The following MIB1 variants were observed in gnomAD, a reference collection of about 807,000 sequenced individuals.
MIB1 encodes the protein MIB E3 ubiquitin protein ligase 1.
Under a neutral mutation model 124.5 loss-of-function variants are expected in MIB1, and 278 were observed. The observed-to-expected ratio is 2.23, with a 90% CI of 2.02 to 2.47. The LOEUF is 2.47. Ranked by LOEUF, MIB1 falls within the 30% of genes most tolerant of loss-of-function variation. MIB1 has a pLI of 0.00. For synonymous variants in MIB1, 446 were observed against 429.4 expected, an observed-to-expected ratio of 1.04 and a Z score of -0.48; for missense variants, 957 against 1,254.4, an observed-to-expected ratio of 0.76 and a Z score of 3.58.
rs923699469 is a variant in MIB1 at position 21,753,494 on chromosome 18, A to AT, written c.229+11691dup. The stretch of plus-strand genomic sequence containing the variant: ...GAGCCATCATGCCCAGCCTGAAAAT[A>AT]TTTTTTTTTGTTAAATGAGATGAGA... On this transcript the variant is annotated intron_variant, in intron 1 of 20. Coordinates refer to ENST00000261537, the MANE Select transcript of MIB1 (RefSeq NM_020774.4). Among the ~76,000 whole-genome samples, 8 of 151,066 alleles carry AT rather than the reference A, an allele frequency of 5.3e-5. No individual in the cohort carries two copies. In the East Asian group the frequency reaches 5.9e-4, roughly 11 times the overall value.
intron 11 of MIB1, among the ~76,000 whole-genome samples, chr18:21,818,196 T>G (rs1236501767): frequency 1.3e-5 from 2 of 152,214 alleles, no homozygotes. Flanking sequence ...TTTGAAAAAT[T>G]ACTCATGCCT....
At chr18:21,771,562 A>T (rs1464288253) in intron 3 of MIB1, among the ~76,000 whole-genome samples, 1 of 152,172 alleles carries the variant, frequency 6.6e-6, no homozygotes, top group African/African-American at 2.4e-5. Context: ...GGAATCATAA[A>T]GCAAATTAAG....
chr18:21,746,977 C>A (rs188614825), intron 1 of MIB1, among the ~76,000 whole-genome samples: 1 of 152,146 alleles, frequency 6.6e-6, no homozygotes, highest in Admixed American at 6.5e-5. Context: ...AGAATAGAGT[C>A]CCCTATTCTG....
At chr18:21,768,339 C>T (rs539198068) in intron 2 of MIB1, among the ~76,000 whole-genome samples, 4 of 152,242 alleles carry the variant, frequency 2.6e-5, no homozygotes, top group African/African-American at 7.2e-5. Context: ...GTAACTTTCT[C>T]TTAAGGAGTG....
intron 10 of MIB1, 152 bp downstream of exon 10, chr18:21,804,166 A>G: frequency 6.4e-6 from 4 of 624,056 alleles, no homozygotes; most frequent in East Asian, 2.8e-5. Context: ...GCAACTTGAA[A>G]CAGTTCTTGT....
intron 7 of MIB1, among the ~76,000 whole-genome samples, chr18:21,794,542 A>G (rs563998849): frequency 1.3e-5 from 2 of 152,078 alleles, no homozygotes; most frequent in East Asian, 1.9e-4. Flanking sequence ...GAAAATTTGT[A>G]ATTTTAGAAA....
intron 1 of MIB1, 76 bp from the exon 2 acceptor site, chr18:21,765,695 AT>A (rs1162266786): frequency 2.5e-5 from 36 of 1,416,568 alleles, no homozygotes; most frequent in Admixed American, 4.2e-5. Flanking sequence ...TTCTGTTCTT[AT>A]TTTTTTCCCC....
At position 21,819,510 on chromosome 18, in the gene MIB1, A is replaced by T. The variant is rs1326442975; in HGVS notation, c.1693A>T (p.Thr565Ser). The T allele has an allele frequency of 6.3e-7, 1 of 1,599,772 alleles. No individual in the cohort carries two copies. The highest frequency in any genetic ancestry group is 1.3e-5 in the African/African-American group (1 of 74,516). ...HPSLQDSEGD[T>S]PLHDAISKKR... ...AAACTTAAAGGATTCTGAAGGTGAT[A>T]CCCCTCTTCATGATGCAATAAGTAA... The change falls in exon 12 of 21, where the codon ACC (threonine) becomes TCC (serine). Residue 565 changes from threonine (T) to serine (S), a missense_variant. By Grantham distance (58) the Thr-to-Ser change is moderately conservative. Coordinates refer to ENST00000261537, the MANE Select transcript of MIB1 (RefSeq NM_020774.4).
chr18:21,849,963 G>T (rs1475442331), intron 17 of MIB1, among the ~76,000 whole-genome samples: 1 of 152,112 alleles, frequency 6.6e-6, no homozygotes, highest in Non-Finnish European at 1.5e-5. Flanking sequence ...ATCAGGGTCA[G>T]CTTAACATTT....
intron 1 of MIB1, among the ~76,000 whole-genome samples, chr18:21,707,300 A>G (rs1320273511): frequency 1.3e-5 from 2 of 152,132 alleles, no homozygotes; most frequent in African/African-American, 4.8e-5. Context: ...AAATGTACCA[A>G]TCACCACCCT....
intron 1 of MIB1, among the ~76,000 whole-genome samples, chr18:21,730,508 C>G (rs1423005377): frequency 6.6e-6 from 1 of 152,116 alleles, no homozygotes; most frequent in African/African-American, 2.4e-5. Flanking sequence ...ACAGAGGTTG[C>G]AGTGAGCCGA....
upstream of MIB1, among the ~76,000 whole-genome samples, chr18:21,736,246 T>C (rs2040796536): frequency 6.6e-6 from 1 of 152,100 alleles, no homozygotes; most frequent in South Asian, 2.1e-4. Flanking sequence ...GGGTATGGAG[T>C]GGACCTCCAG....
upstream of MIB1, among the ~76,000 whole-genome samples, chr18:21,736,204 T>C (rs2040796316): frequency 6.6e-6 from 1 of 152,244 alleles, no homozygotes; most frequent in South Asian, 2.1e-4. Context: ...TTTGCTGTTC[T>C]GCAGCCTCTG....
At chr18:21,824,631 C>G (rs544309253) in intron 12 of MIB1, among the ~76,000 whole-genome samples, 70 of 152,096 alleles carry the variant, frequency 4.6e-4, no homozygotes, top group Non-Finnish European at 8.4e-4. Context: ...GGAAGAAGAT[C>G]TTGAATGAAG....
At chr18:21,758,210 A>G (rs902981202) in intron 1 of MIB1, among the ~76,000 whole-genome samples, 1 of 152,172 alleles carries the variant, frequency 6.6e-6, no homozygotes, top group Non-Finnish European at 1.5e-5. Flanking sequence ...AATAACAACA[A>G]TCCTATTTTC....
At chr18:21,804,584 A>G (rs1403927411) in intron 10 of MIB1, among the ~76,000 whole-genome samples, 2 of 152,236 alleles carry the variant, frequency 1.3e-5, no homozygotes, top group African/African-American at 4.8e-5. Context: ...ATCTCTCTGT[A>G]TCTCTATTGT....
rs769610004 is a variant in MIB1 at position 21,798,067 on chromosome 18, C to A, written c.1093-17C>A. On this transcript the variant is annotated splice_polypyrimidine_tract_variant and intron_variant, in intron 7 of 20. Coordinates refer to ENST00000261537, the MANE Select transcript of MIB1 (RefSeq NM_020774.4). ...ATACTTTAGACTTGGAAACATGAATCTATTTTTTTCCCCAAGACTTTAGGT... is the reference window on the plus strand; with the variant it reads ...ATACTTTAGACTTGGAAACATGAATATATTTTTTTCCCCAAGACTTTAGGT... 6.2e-7 allele frequency: 1 copy of A among 1,611,160 alleles called. No individual in the cohort carries two copies. Among genetic ancestry groups the A allele is most frequent in the Non-Finnish European group, 8.5e-7 (1 of 1,178,172 alleles).
In MIB1 at chr18:21,865,405, C is replaced by G; in HGVS notation, c.*739C>G. 6.6e-6 allele frequency: 1 copy of G among 151,494 alleles called. No homozygotes were observed. The highest frequency in any genetic ancestry group is 1.9e-4 in the East Asian group (1 of 5,162). The allele number at this position is 151,494 out of a possible 1,614,324, so 9.4% of individuals were successfully genotyped here. A position where few individuals can be genotyped will look rare whatever the true frequency, so the allele number is the denominator to read the frequency against. On this transcript the variant is annotated 3_prime_UTR_variant, in exon 21 of 21. Transcript: ENST00000261537. ...TGGGCAACTGAAGAGAAAAAAAAAA[C>G]GAGTATCTATTAACTGGCCACTAAC...
intron 1 of MIB1, among the ~76,000 whole-genome samples, chr18:21,705,385 T>C (rs1292895591): frequency 6.6e-6 from 1 of 152,224 alleles, no homozygotes; most frequent in Admixed American, 6.5e-5. Flanking sequence ...CGGGATTCAA[T>C]TGTTAAAAGC....
Sources: gnomAD v4.1 joint callset for allele counts (sites outside exome capture counted in the v4.1 genomes callset) on GRCh38, gnomAD v4.1.1 for gene constraint, MANE v1.5 for transcripts, NCBI Gene and HGNC (gene_info 2026-07-23, HGNC 2026-07-21) for gene names.